SMARCA2: variants seen among roughly 807,000 people sequenced by gnomAD.
SMARCA2 encodes SWI/SNF related BAF chromatin remodeling complex subunit ATPase 2.
Under a neutral mutation model 199.8 loss-of-function variants are expected in SMARCA2, and 61 were observed. The ratio of observed to expected loss-of-function variants is 0.31; its 90% confidence interval spans 0.25 to 0.38. SMARCA2 has a LOEUF of 0.38. Among genes scored for constraint, SMARCA2 ranks in the 10% least tolerant of loss-of-function variants. The pLI is 1.00. For missense variants in SMARCA2, 1,344 were observed against 2,012.2 expected (o/e 0.67, Z 6.35); for synonymous variants, 935 against 732.0 (o/e 1.28, Z -4.48).
At chr9:2,028,522 T>C (rs1175837746) in intron 1 of SMARCA2, among the ~76,000 whole-genome samples, 1 of 152,262 alleles carries the variant, frequency 6.6e-6, no homozygotes, top group African/African-American at 2.4e-5. Context: ...GGTTTAACTA[T>C]CTTGAAGTTT....
At chr9:2,065,727 C>G (rs1354280924) in intron 9 of SMARCA2, among the ~76,000 whole-genome samples, 1 of 152,046 alleles carries the variant, frequency 6.6e-6, no homozygotes, top group African/African-American at 2.4e-5. Context: ...ACAGTTTCCC[C>G]AAAGATTATA....
rs3750418 is a variant in SMARCA2, at chr9:2,103,738, A to C, written c.3126-265A>C. 4.9e-3 allele frequency among the ~76,000 whole-genome samples: 740 copies of C among 152,030 alleles called. 22 individuals carry two copies. The highest frequency in any genetic ancestry group is 0.044 in the East Asian group (227 of 5,168). On this transcript the variant is annotated intron_variant, in intron 22 of 33. Transcript: ENST00000349721. ...AAAGATTGAAAGTATTAAGAACATG[A>C]AAGTGGTTCCTTTTCTTTCTAGAAC...
At chr9:2,109,578 T>G (rs1822900397) in intron 23 of SMARCA2, among the ~76,000 whole-genome samples, 2 of 152,104 alleles carry the variant, frequency 1.3e-5, no homozygotes, top group South Asian at 4.2e-4. Flanking sequence ...TTAGCATGCT[T>G]TGAACTCAAC....
At chr9:2,137,969 A>T (rs189894630) in intron 27 of SMARCA2, among the ~76,000 whole-genome samples, 2 of 152,330 alleles carry the variant, frequency 1.3e-5, no homozygotes, top group East Asian at 3.9e-4. Context: ...AATAATTCTA[A>T]AGGCACACAT....
chr9:2,171,075 C>T (rs558928519), intron 29 of SMARCA2, among the ~76,000 whole-genome samples: 1 of 152,130 alleles, frequency 6.6e-6, no homozygotes, highest in Non-Finnish European at 1.5e-5. Flanking sequence ...CTCTGTGTGC[C>T]TTTGCTTCTG....
At chr9:2,185,954 G>C in intron 31 of SMARCA2, 142 bp from the exon 32 acceptor site, 1 of 769,568 alleles carries the variant, frequency 1.3e-6, no homozygotes, top group Non-Finnish European at 2.1e-6. Context: ...TTTTGCTACT[G>C]GGTTTTCATG....
At chr9:2,117,735 G>A (rs1823273495) in intron 25 of SMARCA2, among the ~76,000 whole-genome samples, 1 of 152,214 alleles carries the variant, frequency 6.6e-6, no homozygotes, top group Non-Finnish European at 1.5e-5. Context: ...CTGCCAGGTG[G>A]GGCCTGACGT....
intron 27 of SMARCA2, among the ~76,000 whole-genome samples, chr9:2,126,288 A>T (rs1369963508): frequency 1.3e-5 from 2 of 152,276 alleles, no homozygotes; most frequent in Non-Finnish European, 2.9e-5. Context: ...AACTGTTCTC[A>T]AAACAGCTTT....
chr9:2,113,814 G>C (rs1410198760), intron 24 of SMARCA2, among the ~76,000 whole-genome samples: 2 of 152,156 alleles, frequency 1.3e-5, no homozygotes, highest in Non-Finnish European at 2.9e-5. Context: ...TTGTGGTTTT[G>C]TCAGCATCTT....
intron 27 of SMARCA2, among the ~76,000 whole-genome samples, chr9:2,125,430 A>G (rs1823644201): frequency 6.6e-6 from 1 of 151,970 alleles, no homozygotes; most frequent in Non-Finnish European, 1.5e-5. Context: ...TATTTAAGCA[A>G]TAAATTGAGT....
intron 27 of SMARCA2, among the ~76,000 whole-genome samples, chr9:2,131,820 A>G (rs1008229921): frequency 5.9e-5 from 9 of 151,934 alleles, no homozygotes; most frequent in African/African-American, 2.2e-4. Flanking sequence ...GGTGCCTGTA[A>G]TCCCAGCTAC....
intron 7 of SMARCA2, chr9:2,058,018 C>A: frequency 3.8e-6 from 1 of 263,044 alleles, no homozygotes; most frequent in South Asian, 1.1e-4. Flanking sequence ...AGTCTTCGAT[C>A]TTTCCATTCT....
chr9:2,015,494 C>A lies in SMARCA2; in HGVS notation c.-37+90C>A, dbSNP rs59374730. The A allele has an allele frequency of 5.1e-3, 774 of 152,718 alleles. 22 individuals carry two copies. Among genetic ancestry groups the A allele is most frequent in the East Asian group, 0.049 (253 of 5,206 alleles). 9.5% of individuals were successfully genotyped at this position (152,718 alleles called of 1,614,324 possible). On this transcript the variant is annotated intron_variant, in intron 1 of 33. Coordinates refer to ENST00000349721, the MANE Select transcript of SMARCA2 (RefSeq NM_003070.5). The stretch of plus-strand genomic sequence containing the variant: ...CGCTCAGACCCCTCCGGCACCACGC[C>A]GCCTTCGCCCGGGATTATCCATTAT...
Position 2,101,431 on chromosome 9 carries a change from C to T in SMARCA2, c.3079-139C>T, listed in dbSNP as rs116230491. On this transcript the variant is annotated intron_variant, in intron 21 of 33. Coordinates refer to ENST00000349721, the MANE Select transcript of SMARCA2 (RefSeq NM_003070.5). Reference sequence around the variant, plus strand: ...AATATACTGAATTTCTGGTTCATTACGTGTGTAAGTTTTTTGCTTATTCAT... The same window carrying T: ...AATATACTGAATTTCTGGTTCATTATGTGTGTAAGTTTTTTGCTTATTCAT... The T allele has an allele frequency of 2.5e-3, 1,221 of 488,960 alleles. 13 individuals carry two copies. Among genetic ancestry groups the T allele is most frequent in the African/African-American group, 0.022 (1,091 of 49,434 alleles). The allele number at this position is 488,960 out of a possible 1,614,324, so 30.3% of individuals were successfully genotyped here.
At chr9:2,167,693 A>G (rs1178210714) in intron 28 of SMARCA2, among the ~76,000 whole-genome samples, 2 of 152,128 alleles carry the variant, frequency 1.3e-5, no homozygotes, top group East Asian at 3.9e-4. Flanking sequence ...TTGTGGTAAG[A>G]CTCAGCTTGT....
chr9:2,109,788 T>C lies in SMARCA2; in HGVS notation c.3293-466T>C, dbSNP rs558475618. On this transcript the variant is annotated intron_variant, in intron 23 of 33. Transcript: ENST00000349721. ...GTAAAGTAGTAGAAAAGAACTTTCC[T>C]TTTTTTTCTATTTTCTTGGCATAAA... Among the ~76,000 whole-genome samples the C allele has an allele frequency of 1.8e-4, 27 of 152,272 alleles. No homozygotes were observed. In the South Asian group the frequency reaches 5.4e-3, roughly 30 times the overall value.
Position 2,148,630 on chromosome 9 carries a change from C to G in SMARCA2, c.3982-13056C>G, listed in dbSNP as rs1375451110. Among the ~76,000 whole-genome samples, 4 of 151,274 alleles carry G rather than the reference C, an allele frequency of 2.6e-5. No individual in the cohort carries two copies. In the East Asian group the frequency reaches 7.7e-4, roughly 29 times the overall value. ...AGCATTAGGTATAAGGAGATGTTTT[C>G]TTTCTTTTTTCTGAGACACACGCAC... On this transcript the variant is annotated intron_variant, in intron 27 of 33. Transcript: ENST00000349721.
rs776210464 is a variant in SMARCA2 at position 2,192,938 on chromosome 9, A to G, written c.*199A>G. The G allele has an allele frequency of 1.9e-6, 1 of 531,776 alleles. No homozygotes were observed. The highest frequency in any genetic ancestry group is 3.0e-5 in the South Asian group (1 of 33,596). 32.9% of individuals were successfully genotyped at this position (531,776 alleles called of 1,614,324 possible). ...ACACATACACAAATATTTGTAACAT[A>G]TTGTGACCAAATGGGCCTCAAAGAT... is the stretch of plus-strand genomic sequence containing the variant. On this transcript the variant is annotated 3_prime_UTR_variant, in exon 34 of 34. Coordinates refer to ENST00000349721, the MANE Select transcript of SMARCA2 (RefSeq NM_003070.5).
chr9:2,057,102 G>T (rs1274659437), intron 7 of SMARCA2, among the ~76,000 whole-genome samples: 1 of 152,212 alleles, frequency 6.6e-6, no homozygotes, highest in African/African-American at 2.4e-5. Context: ...GTCTTAGTTT[G>T]TCTGGGCTGC....
Sources: allele counts gnomAD v4.1 joint callset (sites outside exome capture counted in the v4.1 genomes callset), GRCh38; gene constraint gnomAD v4.1.1; transcripts MANE v1.5; gene names NCBI Gene and HGNC (gene_info 2026-07-23, HGNC 2026-07-21).